Variants in TNC observed in about 807,000 individuals in gnomAD.
The protein encoded by TNC is tenascin C, also known as tenascin.
TNC carries 109 observed loss-of-function variants against 202.4 expected under a neutral mutation model. The ratio of observed to expected loss-of-function variants is 0.54; its 90% CI spans 0.46 to 0.63. The LOEUF (loss-of-function observed/expected upper bound fraction) is 0.63. TNC is among the 30% of genes least tolerant of loss of function. The pLI is 0.00. For missense variants in TNC, 2,756 were observed against 2,833.3 expected (o/e 0.97, Z 0.62); for synonymous variants, 1,007 against 1,089.7 (o/e 0.92, Z 1.50).
intron 27 of TNC, among the ~76,000 whole-genome samples, chr9:115,022,858 G>T (rs1829184047): frequency 6.6e-6 from 1 of 151,978 alleles, no homozygotes; most frequent in Admixed American, 6.6e-5. Context: ...GTAAGGTAAG[G>T]TCTACACTTA....
At chr9:115,105,674 A>C (rs1384601409) in intron 1 of TNC, among the ~76,000 whole-genome samples, 1 of 152,180 alleles carries the variant, frequency 6.6e-6, no homozygotes, top group Non-Finnish European at 1.5e-5. Context: ...TAACCCCCTT[A>C]ACTTGGCTTT....
rs199776892 is a variant in TNC, at chr9:115,087,002, G to A, written c.729C>T (p.Ala243=). Reference sequence around the variant, plus strand: ...AGATTTCACGGCTGCAGTCAGCCCCGGCGTAGCCTTCGAAACAGATGCAGA... The same window carrying A: ...AGATTTCACGGCTGCAGTCAGCCCCAGCGTAGCCTTCGAAACAGATGCAGA... ...NGVCICFEGY[A]GADCSREICP... Residue 243 remains alanine (A), a synonymous_variant, in exon 3 of 28, where the codon GCC becomes GCT. Coordinates refer to ENST00000350763, the MANE Select transcript of TNC (RefSeq NM_002160.4). The A allele has an allele frequency of 1.7e-5, 28 of 1,613,356 alleles. No individual in the cohort carries two copies. Among genetic ancestry groups the A allele is most frequent in the African/African-American group, 2.7e-5 (2 of 74,902 alleles).
At chr9:115,060,902 C>T (rs4549855) in intron 13 of TNC, among the ~76,000 whole-genome samples, 16,204 of 152,112 alleles carry the variant, frequency 0.11, 974 homozygotes, top group Middle Eastern at 0.2. Flanking sequence ...AATGAGTGTG[C>T]CTACTTTTAA....
At position 115,087,275 on chromosome 9, in the gene TNC, T is replaced by C; in HGVS notation, c.458-2A>G. On this transcript the variant is annotated splice_acceptor_variant, in intron 2 of 27. Coordinates refer to ENST00000350763, the MANE Select transcript of TNC (RefSeq NM_002160.4). LOFTEE classifies it high-confidence loss of function. ...AGAAGGGCCTGGTGTCCAAGCGGCC[T>C]GCAACAAAAGAAACAGAAGTTCTCA... The C allele has an allele frequency of 6.2e-7, 1 of 1,609,664 alleles. No homozygotes were observed. Among genetic ancestry groups the C allele is most frequent in the East Asian group, 2.2e-5 (1 of 44,742 alleles).
At chr9:115,027,844 T>C (rs959112792) in intron 25 of TNC, among the ~76,000 whole-genome samples, 1 of 152,142 alleles carries the variant, frequency 6.6e-6, no homozygotes, top group Admixed American at 6.5e-5. Context: ...TAGACTCCTA[T>C]GGGCAAACCA....
In TNC at chr9:115,057,376, C is replaced by G. The variant is rs562660782; in HGVS notation, c.4356G>C (p.Glu1452Asp). 1.9e-6 allele frequency: 3 copies of G among 1,613,806 alleles called. No individual in the cohort carries two copies. In the East Asian group the frequency reaches 6.7e-5, roughly 36 times the overall value. The change falls in exon 15 of 28, where the codon GAG (glutamate) becomes GAC (aspartate). Residue 1452 changes from glutamate to aspartate, a missense_variant. Glu to Asp is a conservative substitution (Grantham distance 45). Transcript: ENST00000350763. ...TAGCCATCCAGGAGAGATTGAAGCT[C>G]TCGGGAGTTATGTCAGAAACATTTA... ...GNLNVSDITP[E>D]SFNLSWMATD...
rs1830286993 is a variant in TNC at position 115,035,910 on chromosome 9, A to G, written c.5656+188T>C. On this transcript the variant is annotated intron_variant, in intron 21 of 27. Transcript: ENST00000350763. Reference sequence around the variant, plus strand: ...GGGGAGACCAAGGTCATTTCAGTTCAAAAGGAAATAGTGTGTTTCTTCAGG... The same window carrying G: ...GGGGAGACCAAGGTCATTTCAGTTCGAAAGGAAATAGTGTGTTTCTTCAGG... The G allele has an allele frequency of 7.7e-6, 5 of 650,366 alleles. No individual in the cohort carries two copies. In the South Asian group the frequency reaches 7.7e-5, roughly 10 times the overall value. 40.3% of individuals were successfully genotyped at this position (650,366 alleles called of 1,614,324 possible). A position where few individuals can be genotyped will look rare whatever the true frequency, so the allele number is the denominator to read the frequency against.
chr9:115,047,879 A>G (rs2297180), intron 16 of TNC, among the ~76,000 whole-genome samples: 95,328 of 152,036 alleles, frequency 0.63, 30,380 homozygotes, highest in African/African-American at 0.73. Context: ...AGATGGCAAA[A>G]GTTTTAAATA....
intron 1 of TNC, among the ~76,000 whole-genome samples, chr9:115,096,543 G>C (rs1423362169): frequency 6.6e-6 from 1 of 152,160 alleles, no homozygotes; most frequent in Non-Finnish European, 1.5e-5. Flanking sequence ...AAGCGATCAA[G>C]AAGAGTCTAT....
intron 15 of TNC, among the ~76,000 whole-genome samples, chr9:115,050,555 G>A (rs1400721927): frequency 6.6e-6 from 1 of 152,122 alleles, no homozygotes; most frequent in Non-Finnish European, 1.5e-5. Context: ...AACTGGATAG[G>A]AAAAAATACT....
At chr9:115,036,510 A>C (rs961989918) in intron 20 of TNC, among the ~76,000 whole-genome samples, 10 of 152,242 alleles carry the variant, frequency 6.6e-5, no homozygotes, top group South Asian at 2.1e-4. Context: ...TTTTTTTCCC[A>C]CATGGTACTG....
intron 24 of TNC, 46 bp from the exon 25 acceptor site, chr9:115,029,502 A>G: frequency 1.3e-6 from 2 of 1,570,700 alleles, no homozygotes; most frequent in Non-Finnish European, 8.8e-7. Context: ...CTATTGCAGG[A>G]AAGAGGGCAT....
intron 15 of TNC, 101 bp downstream of exon 15, chr9:115,057,052 C>A (rs1203501904): frequency 2.1e-6 from 3 of 1,401,052 alleles, no homozygotes; most frequent in Non-Finnish European, 1.9e-6. Flanking sequence ...AGAGTTAGTG[C>A]CCTGTGGCTT....
At chr9:115,077,914 A>G (rs1366913661) in intron 7 of TNC, 29 bp downstream of exon 7, 9 of 1,603,986 alleles carry the variant, frequency 5.6e-6, no homozygotes, top group East Asian at 2.2e-5. Flanking sequence ...TTCCTTTACT[A>G]TATCTGTTAA....
intron 1 of TNC, among the ~76,000 whole-genome samples, chr9:115,115,874 G>C (rs1010244881): frequency 9.9e-5 from 15 of 152,182 alleles, no homozygotes. Context: ...GCATTTACCT[G>C]TCATATACTG....
chr9:115,046,818 A>G (rs893257321), intron 16 of TNC, 136 bp from the exon 17 acceptor site: 2 of 991,826 alleles, frequency 2.0e-6, no homozygotes, highest in Non-Finnish European at 2.9e-6. Context: ...TGAGATACCA[A>G]AAATAAAATC....
At chr9:115,035,563 G>T in intron 21 of TNC, 1 of 475,180 alleles carries the variant, frequency 2.1e-6, no homozygotes, top group Non-Finnish European at 3.7e-6. Context: ...AACTGGCCTT[G>T]GTTGGATTTA....
At chr9:115,088,375 A>C (rs1031398210) in intron 2 of TNC, among the ~76,000 whole-genome samples, 1 of 152,220 alleles carries the variant, frequency 6.6e-6, no homozygotes, top group African/African-American at 2.4e-5. Flanking sequence ...TAATTCTATA[A>C]GGACACCTTT....
chr9:115,064,715 T>C lies in TNC; in HGVS notation c.3419A>G (p.Tyr1140Cys), dbSNP rs1233487076. 3 of 1,614,110 alleles carry C rather than the reference T, an allele frequency of 1.9e-6. No individual in the cohort carries two copies. The highest frequency in any genetic ancestry group is 2.5e-6 in the Non-Finnish European group (3 of 1,180,030). ...GATCACCCCATAGATGGAGACTGTA[T>C]AAGGCGTAGCAGCCTTGAGGCCCGG... is the stretch of plus-strand genomic sequence containing the variant. The part of the protein sequence containing the change: ...DIPGLKAATP[Y>C]TVSIYGVIQG... Residue 1140 changes from tyrosine (Y) to cysteine (C), a missense_variant, in exon 11 of 28, where the codon TAT (tyrosine) becomes TGT (cysteine). By Grantham distance (194) the Tyr-to-Cys change is radical. Around this residue, in one of 2 missense-constraint regions of TNC, gnomAD observed 2,559 missense variants for 2,546.0 expected, o/e 1.01. Coordinates refer to ENST00000350763, the MANE Select transcript of TNC (RefSeq NM_002160.4).
Sources: allele counts gnomAD v4.1 joint callset (sites outside exome capture counted in the v4.1 genomes callset), GRCh38; gene constraint gnomAD v4.1.1; regional missense constraint gnomAD v4.1.1; transcripts MANE v1.5; gene names NCBI Gene and HGNC (gene_info 2026-07-23, HGNC 2026-07-21).